Variants in ATE1 observed in about 807,000 individuals in gnomAD.
ATE1 encodes the protein arginyltransferase 1.
Under a neutral mutation model 70.5 loss-of-function variants are expected in ATE1, and 36 were observed. The observed-to-expected ratio is 0.51, with a 90% CI of 0.39 to 0.67. ATE1 has a LOEUF of 0.67. Among genes scored for constraint, ATE1 ranks in the 30% least tolerant of loss-of-function variants. The pLI, the probability that ATE1 is intolerant of heterozygous loss-of-function variation, is 0.00. For synonymous variants in ATE1, 232 were observed against 219.3 expected, an observed-to-expected ratio of 1.06 and a Z score of -0.51; for missense variants, 593 against 629.5, an observed-to-expected ratio of 0.94 and a Z score of 0.62.
chr10:121,869,934 TGCCTAATGAAAG>T, intron 8 of ATE1, 60 bp downstream of exon 8: 2 of 1,386,112 alleles, frequency 1.4e-6, no homozygotes, highest in Non-Finnish European at 2.0e-6. Context: ...ATCAAATAAA[TGCCTAATGAAAG>T]ATATCAACAA....
chr10:121,833,058 C>G (rs920281679), intron 10 of ATE1, among the ~76,000 whole-genome samples: 1 of 152,164 alleles, frequency 6.6e-6, no homozygotes, highest in African/African-American at 2.4e-5. Context: ...AACAACCTGT[C>G]TAATTTCTAC....
chr10:121,919,235 C>T (rs1054035296), intron 3 of ATE1, among the ~76,000 whole-genome samples: 1 of 152,058 alleles, frequency 6.6e-6, no homozygotes, highest in South Asian at 2.1e-4. Context: ...ACACTCACTG[C>T]GAAGGTCTGC....
chr10:121,794,818 T>C (rs1946599038), intron 10 of ATE1, among the ~76,000 whole-genome samples: 1 of 151,998 alleles, frequency 6.6e-6, no homozygotes, highest in African/African-American at 2.4e-5. Flanking sequence ...ATGGGGGTGA[T>C]CGGACATCAA....
chr10:121,780,515 T>C (rs916977524), intron 11 of ATE1, among the ~76,000 whole-genome samples: 14 of 152,180 alleles, frequency 9.2e-5, no homozygotes, highest in African/African-American at 2.7e-4. Context: ...TCCCACTCTT[T>C]CTCCACAACG....
chr10:121,907,257 C>A (rs541250216), intron 5 of ATE1, among the ~76,000 whole-genome samples: 1 of 151,040 alleles, frequency 6.6e-6, no homozygotes, highest in African/African-American at 2.4e-5. Flanking sequence ...GAGTTCGAGA[C>A]CAGCCTGGCC....
chr10:121,918,386 G>T (rs1341104265), intron 3 of ATE1, among the ~76,000 whole-genome samples: 1 of 151,494 alleles, frequency 6.6e-6, no homozygotes, highest in Non-Finnish European at 1.5e-5. Context: ...CGCAATTCAG[G>T]AAACATTTGA....
Position 121,754,969 on chromosome 10 carries a change from C to T in ATE1, c.1379-11111G>A, listed in dbSNP as rs74524057. 1.3e-3 allele frequency among the ~76,000 whole-genome samples: 198 copies of T among 152,174 alleles called. 2 individuals carry two copies. In the East Asian group the frequency reaches 0.031, roughly 24 times the overall value. On this transcript the variant is annotated intron_variant, in intron 11 of 11. Transcript: ENST00000224652. ...ATTACAAAGAAATACTTGATGAACA[C>T]AAATGAAAAACTACAAAGTGACTGG...
chr10:121,855,456 G>A (rs1949213252), intron 8 of ATE1, among the ~76,000 whole-genome samples: 1 of 152,176 alleles, frequency 6.6e-6, no homozygotes, highest in Non-Finnish European at 1.5e-5. Flanking sequence ...ATCAATTAAG[G>A]AAAACAGCTC....
chr10:121,858,817 C>A (rs930502018), intron 8 of ATE1, among the ~76,000 whole-genome samples: 2 of 151,598 alleles, frequency 1.3e-5, no homozygotes, highest in African/African-American at 4.8e-5. Context: ...ATGTAAGGGC[C>A]GGGCGCGGTG....
intron 3 of ATE1, 146 bp from the exon 4 acceptor site, chr10:121,914,039 C>G (rs1951546636): frequency 1.8e-6 from 1 of 564,424 alleles, no homozygotes. Flanking sequence ...CTAATCCCAG[C>G]CCACATCACA....
intron 10 of ATE1, among the ~76,000 whole-genome samples, chr10:121,792,443 T>G (rs1183233153): frequency 6.6e-6 from 1 of 152,206 alleles, no homozygotes; most frequent in Non-Finnish European, 1.5e-5. Context: ...CTGACTCAGC[T>G]TTCCTGGAGT....
At chr10:121,805,191 T>C (rs1373907522) in intron 10 of ATE1, among the ~76,000 whole-genome samples, 1 of 152,184 alleles carries the variant, frequency 6.6e-6, no homozygotes, top group East Asian at 1.9e-4. Flanking sequence ...GCTGTAATTG[T>C]AGGGCATATA....
Position 121,790,298 on chromosome 10 carries a change from A to G in ATE1, c.1258-9T>C. 6.2e-7 allele frequency: 1 copy of G among 1,612,564 alleles called. No homozygotes were observed. The highest frequency in any genetic ancestry group is 1.3e-5 in the African/African-American group (1 of 74,972). ...GAAGGTCTATACTGACCCTGAAGAA[A>G]AGTGAAGGAAAAAGGCACAGGCATT... On this transcript the variant is annotated splice_polypyrimidine_tract_variant and intron_variant, in intron 10 of 11. Coordinates refer to ENST00000224652, the MANE Select transcript of ATE1 (RefSeq NM_001001976.3).
chr10:121,759,233 G>C (rs1289838700), intron 11 of ATE1, among the ~76,000 whole-genome samples: 3 of 152,154 alleles, frequency 2.0e-5, no homozygotes, highest in Non-Finnish European at 4.4e-5. Context: ...TGCTGATATG[G>C]AGAAAGTCTT....
intron 7 of ATE1, among the ~76,000 whole-genome samples, chr10:121,880,671 A>G (rs1162368318): frequency 6.6e-6 from 1 of 151,844 alleles, no homozygotes; most frequent in Non-Finnish European, 1.5e-5. Context: ...ATAAATAACC[A>G]TATGTAATAT....
intron 11 of ATE1, 58 bp from the exon 12 acceptor site, chr10:121,743,916 C>CTTTTG: frequency 2.3e-6 from 2 of 868,906 alleles, no homozygotes; most frequent in East Asian, 4.6e-5. Context: ...TTTTTGTTTC[C>CTTTTG]TTTTTTTTTT....
Position 121,900,287 on chromosome 10 carries a change from G to A in ATE1, c.814-293C>T, listed in dbSNP as rs76010636. On this transcript the variant is annotated intron_variant, in intron 6 of 11. Transcript: ENST00000224652. ...AACTGGCAGAGTATTTCCAGCACTCGTACACACACGACACATACACACACA... is the reference window on the plus strand; with the variant it reads ...AACTGGCAGAGTATTTCCAGCACTCATACACACACGACACATACACACACA... 1.9e-3 allele frequency among the ~76,000 whole-genome samples: 287 copies of A among 152,122 alleles called. 3 individuals are homozygous for A. Among genetic ancestry groups the A allele is most frequent in the East Asian group, 0.018 (93 of 5,178 alleles).
intron 3 of ATE1, among the ~76,000 whole-genome samples, chr10:121,917,315 A>C (rs1429554154): frequency 2.6e-5 from 4 of 152,228 alleles, no homozygotes; most frequent in Non-Finnish European, 4.4e-5. Context: ...CTAAGAAAAA[A>C]CTTACATAAC....
chr10:121,890,999 C>T (rs1479074706), intron 7 of ATE1, among the ~76,000 whole-genome samples: 1 of 152,166 alleles, frequency 6.6e-6, no homozygotes, highest in Non-Finnish European at 1.5e-5. Context: ...GAAACGGCTC[C>T]ACTGTCTGAG....
Sources: allele counts gnomAD v4.1 joint callset (sites outside exome capture counted in the v4.1 genomes callset), GRCh38; gene constraint gnomAD v4.1.1; transcripts MANE v1.5; gene names NCBI Gene and HGNC (gene_info 2026-07-23, HGNC 2026-07-21).